SEMA3E: variants seen among roughly 807,000 people sequenced by gnomAD.
The protein encoded by SEMA3E is semaphorin 3E.
A neutral mutation model predicts 93.6 loss-of-function variants in SEMA3E; 49 were observed. The observed-to-expected ratio is 0.52, with a 90% CI of 0.42 to 0.66. The LOEUF (loss-of-function observed/expected upper bound fraction) is 0.66, where lower values mean the gene tolerates loss of function less well. Among genes scored for constraint, SEMA3E ranks in the 30% least tolerant of loss-of-function variants. The pLI is 0.00. For missense variants in SEMA3E, 906 were observed against 964.8 expected, an observed-to-expected ratio of 0.94 and a Z score of 0.81; for synonymous variants, 363 against 330.7, an observed-to-expected ratio of 1.10 and a Z score of -1.06.
At chr7:83,564,426 G>GA (rs11304278) in intron 1 of SEMA3E, among the ~76,000 whole-genome samples, 3,736 of 148,792 alleles carry the variant, frequency 0.025, 148 homozygotes, top group African/African-American at 0.087. Context: ...TATCAAAAAA[G>GA]AAAAAAAAAA....
chr7:83,412,761 TA>T (rs35717519), intron 5 of SEMA3E, among the ~76,000 whole-genome samples: 107,586 of 143,654 alleles, frequency 0.75, 41,800 homozygotes, highest in South Asian at 0.89. Context: ...TAAAAAAAGA[TA>T]AAAAAAAAAA....
At chr7:83,555,859 A>G (rs117408569) in intron 1 of SEMA3E, among the ~76,000 whole-genome samples, 1,865 of 152,218 alleles carry the variant, frequency 0.012, 17 homozygotes, top group Non-Finnish European at 0.02. Flanking sequence ...ATGGACATTT[A>G]AGAACTAAGA....
chr7:83,555,545 C>A (rs955403926), intron 1 of SEMA3E, among the ~76,000 whole-genome samples: 2 of 152,078 alleles, frequency 1.3e-5, no homozygotes, highest in African/African-American at 4.8e-5. Context: ...TAGAGGCAAA[C>A]GTATTTTCCA....
At chr7:83,609,133 A>G (rs542725202) in intron 1 of SEMA3E, among the ~76,000 whole-genome samples, 30 of 152,136 alleles carry the variant, frequency 2.0e-4, no homozygotes, top group Middle Eastern at 3.4e-3. Flanking sequence ...TTTAACCTCT[A>G]CTGTATATTT....
chr7:83,429,160 T>C (rs1788833243), intron 4 of SEMA3E, among the ~76,000 whole-genome samples: 1 of 152,182 alleles, frequency 6.6e-6, no homozygotes, highest in Non-Finnish European at 1.5e-5. Flanking sequence ...TTTAATACCA[T>C]TGGAATAGCT....
intron 1 of SEMA3E, among the ~76,000 whole-genome samples, chr7:83,560,958 A>T (rs1038852177): frequency 4.6e-5 from 7 of 152,006 alleles, no homozygotes; most frequent in African/African-American, 7.2e-5. Flanking sequence ...AGCATAGTTT[A>T]AAAAAATCAT....
At chr7:83,453,675 A>G (rs1789412333) in intron 4 of SEMA3E, among the ~76,000 whole-genome samples, 1 of 152,178 alleles carries the variant, frequency 6.6e-6, no homozygotes, top group Non-Finnish European at 1.5e-5. Context: ...AAATCAGTAA[A>G]ACATTTCTAT....
chr7:83,403,045 C>A (rs1039400747), intron 9 of SEMA3E, among the ~76,000 whole-genome samples: 1 of 151,724 alleles, frequency 6.6e-6, no homozygotes, highest in South Asian at 2.1e-4. Context: ...TATTTTTAAA[C>A]CTTGTGTTTT....
At chr7:83,378,766 T>G (rs1787712136) in intron 16 of SEMA3E, among the ~76,000 whole-genome samples, 1 of 152,064 alleles carries the variant, frequency 6.6e-6, no homozygotes, top group South Asian at 2.1e-4. Context: ...CTGGAGGTAC[T>G]AACTAGTTTG....
intron 2 of SEMA3E, among the ~76,000 whole-genome samples, chr7:83,485,219 T>C (rs997695535): frequency 6.6e-5 from 10 of 152,230 alleles, no homozygotes; most frequent in Non-Finnish European, 1.5e-4. Context: ...TTGTGCTATA[T>C]TCATATGATG....
At chr7:83,434,461 T>C (rs973297452) in intron 4 of SEMA3E, among the ~76,000 whole-genome samples, 8 of 152,212 alleles carry the variant, frequency 5.3e-5, no homozygotes, top group African/African-American at 1.9e-4. Context: ...ATTCATCCAA[T>C]ATGCTTTCAA....
chr7:83,545,552 G>GAAAAAAAAAAAAAAAA (rs3068645), intron 1 of SEMA3E, among the ~76,000 whole-genome samples: 1 of 86,438 alleles, frequency 1.2e-5, no homozygotes, highest in African/African-American at 5.0e-5. Context: ...GAAGAGAAAT[G>GAAAAAAAAAAAAAAAA]AAAAAAAAAA....
intron 1 of SEMA3E, among the ~76,000 whole-genome samples, chr7:83,637,730 G>T (rs1793908079): frequency 6.6e-6 from 1 of 150,740 alleles, no homozygotes; most frequent in Non-Finnish European, 1.5e-5. Context: ...CCTCAGCCCT[G>T]TGGAACTGTG....
intron 2 of SEMA3E, among the ~76,000 whole-genome samples, chr7:83,470,008 G>A (rs1022052829): frequency 1.3e-5 from 2 of 151,828 alleles, no homozygotes; most frequent in Admixed American, 1.3e-4. Context: ...GGATGGTCTC[G>A]ATCTCCTGGC....
intron 1 of SEMA3E, among the ~76,000 whole-genome samples, chr7:83,620,525 T>G (rs1216151960): frequency 6.6e-6 from 1 of 151,806 alleles, no homozygotes; most frequent in Non-Finnish European, 1.5e-5. Context: ...GATACCAAAA[T>G]CTGGCAGAGA....
intron 1 of SEMA3E, among the ~76,000 whole-genome samples, chr7:83,536,408 A>C (rs1438720585): frequency 3.9e-5 from 6 of 152,102 alleles, no homozygotes; most frequent in Admixed American, 3.9e-4. Flanking sequence ...TTACCTATAC[A>C]TTTTAGGTCT....
At chr7:83,497,409 A>C (rs1463041306) in intron 1 of SEMA3E, among the ~76,000 whole-genome samples, 1 of 152,152 alleles carries the variant, frequency 6.6e-6, no homozygotes, top group African/African-American at 2.4e-5. Context: ...ACTTTAACTA[A>C]ACTTGTCATG....
At chr7:83,440,024 TCTGGTAGGTC>T (rs1417136381) in intron 4 of SEMA3E, among the ~76,000 whole-genome samples, 1 of 152,222 alleles carries the variant, frequency 6.6e-6, no homozygotes, top group Non-Finnish European at 1.5e-5. Flanking sequence ...GTATGTTAAT[TCTGGTAGGTC>T]CTGCAAACAA....
At chr7:83,377,062 T>G (rs1787657644) in intron 16 of SEMA3E, among the ~76,000 whole-genome samples, 1 of 151,978 alleles carries the variant, frequency 6.6e-6, no homozygotes, top group African/African-American at 2.4e-5. Context: ...TTTGTGTAAA[T>G]TGATTTAACT....
Sources: allele counts gnomAD v4.1 joint callset (sites outside exome capture counted in the v4.1 genomes callset), GRCh38; gene constraint gnomAD v4.1.1; transcripts MANE v1.5; gene names NCBI Gene and HGNC (gene_info 2026-07-23, HGNC 2026-07-21).